The following FSTL4 variants were observed in gnomAD, a reference collection of about 807,000 sequenced individuals.
FSTL4 encodes the protein follistatin like 4.
Under a neutral mutation model 78.2 loss-of-function variants are expected in FSTL4, and 28 were observed. The ratio of observed to expected loss-of-function variants is 0.36; its 90% CI spans 0.27 to 0.49. The LOEUF (loss-of-function observed/expected upper bound fraction) is 0.49. Among genes scored for constraint, FSTL4 ranks in the 20% least tolerant of loss-of-function variants. The probability of loss-of-function intolerance (pLI) is 0.98; values close to 1 mark genes in which losing one functional copy is unlikely to be tolerated. For missense variants in FSTL4, 922 were observed against 1,084.9 expected (o/e 0.85, Z 2.11); for synonymous variants, 422 against 440.5 (o/e 0.96, Z 0.53).
chr5:133,474,804 C>G (rs2112852096), intron 3 of FSTL4, among the ~76,000 whole-genome samples: 1 of 152,312 alleles, frequency 6.6e-6, no homozygotes, highest in African/African-American at 2.4e-5. Flanking sequence ...ACGCAGTAAA[C>G]AAACAGCAAC....
the FSTL4 span, among the ~76,000 whole-genome samples, chr5:133,625,320 C>T: frequency 6.6e-6 from 1 of 151,566 alleles, no homozygotes; most frequent in Non-Finnish European, 1.5e-5. Context: ...ATTTAAATTA[C>T]TTTAATATTG....
At chr5:133,736,775 A>T in the FSTL4 span, among the ~76,000 whole-genome samples, 1 of 152,226 alleles carries the variant, frequency 6.6e-6, no homozygotes, top group Non-Finnish European at 1.5e-5. Context: ...TCCAACCTGC[A>T]GCATGGCTCC....
the FSTL4 span, among the ~76,000 whole-genome samples, chr5:133,670,929 C>T: frequency 6.6e-6 from 1 of 152,200 alleles, no homozygotes; most frequent in Non-Finnish European, 1.5e-5. Context: ...CTCTACCCAT[C>T]AGGACCTGGA....
intron 3 of FSTL4, among the ~76,000 whole-genome samples, chr5:133,480,884 C>T (rs1189526134): frequency 1.3e-5 from 2 of 152,104 alleles, no homozygotes; most frequent in Non-Finnish European, 2.9e-5. Flanking sequence ...CTTCACCTAC[C>T]TTTCAGCAAA....
At chr5:133,832,972 T>C in the FSTL4 span, among the ~76,000 whole-genome samples, 1 of 152,210 alleles carries the variant, frequency 6.6e-6, no homozygotes, top group Non-Finnish European at 1.5e-5. Context: ...TTTGTTTTTT[T>C]AACCATTTTT....
intron 6 of FSTL4, among the ~76,000 whole-genome samples, chr5:133,289,163 A>G (rs931421606): frequency 1.3e-5 from 2 of 152,180 alleles, no homozygotes; most frequent in South Asian, 2.1e-4. Flanking sequence ...CCTCAGGGCA[A>G]AGCAGGGCAG....
intron 1 of FSTL4, among the ~76,000 whole-genome samples, chr5:133,608,389 C>T (rs556664703): frequency 2.9e-4 from 44 of 152,304 alleles, no homozygotes; most frequent in Non-Finnish European, 2.6e-4. Context: ...AACAGACATT[C>T]CCCCAGTCAG....
chr5:133,634,611 G>A, the FSTL4 span, among the ~76,000 whole-genome samples: 1 of 152,064 alleles, frequency 6.6e-6, no homozygotes, highest in Non-Finnish European at 1.5e-5. Flanking sequence ...ATGGGGTGGG[G>A]GTGAGGAGAA....
chr5:133,400,757 G>C lies in FSTL4; in HGVS notation c.390C>G (p.Ser130Arg). ...LLGKRITVIH[S>R]KDCFLKGDTC... ...TCCTACCTTTGAGGAAACAGTCCTT[G>C]CTGTGGATGACGGTGATCCTCTTTC... The change falls in exon 4 of 16, where the codon AGC becomes AGG. Residue 130 changes from serine to arginine, a missense_variant. Transcript: ENST00000265342. 1.9e-6 allele frequency: 3 copies of C among 1,614,054 alleles called. No homozygotes were observed. The highest frequency in any genetic ancestry group is 2.5e-6 in the Non-Finnish European group (3 of 1,179,990).
At chr5:133,495,232 G>A (rs1229621837) in intron 3 of FSTL4, among the ~76,000 whole-genome samples, 2 of 152,180 alleles carry the variant, frequency 1.3e-5, no homozygotes, top group Admixed American at 1.3e-4. Flanking sequence ...ACTCGACCAG[G>A]CCTCTGCGGG....
the FSTL4 span, among the ~76,000 whole-genome samples, chr5:133,805,073 T>C: frequency 6.6e-6 from 1 of 151,900 alleles, no homozygotes; most frequent in Non-Finnish European, 1.5e-5. Context: ...TAATTCCCTC[T>C]GCTTGCCCCT....
chr5:133,240,996 C>A (rs146592742), intron 7 of FSTL4, among the ~76,000 whole-genome samples: 2 of 152,028 alleles, frequency 1.3e-5, no homozygotes, highest in African/African-American at 4.8e-5. Context: ...GGGCTGGGGA[C>A]GAGAGGGCAG....
the FSTL4 span, among the ~76,000 whole-genome samples, chr5:133,640,501 C>T: frequency 6.6e-6 from 1 of 152,274 alleles, no homozygotes; most frequent in South Asian, 2.1e-4. Context: ...CTCTAATTAT[C>T]CCAGTACACT....
At chr5:133,726,751 G>C in the FSTL4 span, among the ~76,000 whole-genome samples, 1 of 152,156 alleles carries the variant, frequency 6.6e-6, no homozygotes, top group Non-Finnish European at 1.5e-5. Flanking sequence ...CTTCAAAAAA[G>C]TATGAAGCGA....
At position 133,612,303 on chromosome 5, in the gene FSTL4, G is replaced by C. The variant is rs1227069796; in HGVS notation, c.-11+22C>G. The C allele has an allele frequency of 6.6e-6, 1 of 151,806 alleles. No individual in the cohort carries two copies. Among genetic ancestry groups the C allele is most frequent in the African/African-American group, 2.4e-5 (1 of 41,374 alleles). The allele number at this position is 151,806 out of a possible 1,614,324, so 9.4% of individuals were successfully genotyped here. A position where few individuals can be genotyped will look rare whatever the true frequency, so the allele number is the denominator to read the frequency against. On this transcript the variant is annotated intron_variant, in intron 1 of 15. Coordinates refer to ENST00000265342, the MANE Select transcript of FSTL4 (RefSeq NM_015082.2). This position sits in a 1 kb window ranked among gnomAD's most constrained non-coding sequence, Gnocchi z 6.2. ...GCGACATGGCACCCTCCCCGCGCCCGCTGGGAGCTGCGCCCGCGTACCTGA... is the reference window on the plus strand; with the variant it reads ...GCGACATGGCACCCTCCCCGCGCCCCCTGGGAGCTGCGCCCGCGTACCTGA...
chr5:133,228,677 C>T (rs1201904655), intron 8 of FSTL4, among the ~76,000 whole-genome samples: 3 of 152,090 alleles, frequency 2.0e-5, no homozygotes, highest in African/African-American at 7.2e-5. Flanking sequence ...ACTAGAAGGG[C>T]CTTTGAAAAA....
At chr5:133,265,983 T>C (rs2126840846) in intron 6 of FSTL4, among the ~76,000 whole-genome samples, 1 of 152,334 alleles carries the variant, frequency 6.6e-6, no homozygotes, top group East Asian at 1.9e-4. Context: ...CCCTAGAGGC[T>C]GGTGGCAGCC....
At chr5:133,521,837 G>A (rs1195562176) in intron 3 of FSTL4, among the ~76,000 whole-genome samples, 6 of 152,098 alleles carry the variant, frequency 3.9e-5, no homozygotes, top group Non-Finnish European at 7.4e-5. Context: ...TAAGAAAGCC[G>A]CTAGATGTTT....
chr5:133,347,243 C>T (rs60923563), intron 4 of FSTL4, among the ~76,000 whole-genome samples: 5,896 of 151,290 alleles, frequency 0.039, 262 homozygotes, highest in African/African-American at 0.11. Context: ...GGGAGGGCTG[C>T]GTGTGAACTC....
Sources: gnomAD v4.1 joint callset for allele counts (sites outside exome capture counted in the v4.1 genomes callset) on GRCh38, gnomAD v4.1.1 for gene constraint, Gnocchi (gnomAD v3.1) non-coding constraint, MANE v1.5 for transcripts, NCBI Gene and HGNC (gene_info 2026-07-23, HGNC 2026-07-21) for gene names.